Variants in STAM observed in about 807,000 individuals in gnomAD.
The protein encoded by STAM is signal transducing adapter molecule 1.
A neutral mutation model predicts 63.4 loss-of-function variants in STAM; 16 were observed. The observed-to-expected ratio is 0.25, with a 90% CI of 0.17 to 0.38. The LOEUF (loss-of-function observed/expected upper bound fraction) is 0.38. STAM is among the 10% of genes least tolerant of loss of function. STAM has a pLI of 1.00. For synonymous variants in STAM, 238 were observed against 223.9 expected (o/e 1.06, Z -0.56); for missense variants, 636 against 657.1 (o/e 0.97, Z 0.35).
Position 17,714,700 on chromosome 10 carries a change from T to C in STAM, c.1543T>C (p.Ser515Pro). ...MPQVPNYNLT[S>P]STLPQPGGSQ... ...CCAGGTGCCAAACTATAACTTAACA[T>C]CATCAACTCTGCCTCAGCCCGGAGG... The change falls in exon 14 of 14, where the codon TCA (serine) becomes CCA (proline). Residue 515 changes from serine (S) to proline (P), a missense_variant. By Grantham distance (74) the Ser-to-Pro change is moderately conservative. Around this residue, in one of 3 missense-constraint regions of STAM, gnomAD observed 532 missense variants for 536.9 expected, o/e 0.99. Coordinates refer to ENST00000377524, the MANE Select transcript of STAM (RefSeq NM_003473.4). The C allele has an allele frequency of 6.2e-7, 1 of 1,613,940 alleles. No homozygotes were observed. The highest frequency in any genetic ancestry group is 8.5e-7 in the Non-Finnish European group (1 of 1,179,982).
rs1245604284 is a variant in STAM, at chr10:17,716,519, T to C, written c.*1739T>C. On this transcript the variant is annotated 3_prime_UTR_variant, in exon 14 of 14. Transcript: ENST00000377524. ...ACTATAAGTTAGTTTTTGATAAATA[T>C]CTGTCGGATTATAATCTTTTCCACT... 6.6e-6 allele frequency among the ~76,000 whole-genome samples: 1 copy of C among 152,114 alleles called. No homozygotes were observed. Among genetic ancestry groups the C allele is most frequent in the Non-Finnish European group, 1.5e-5 (1 of 67,998 alleles).
chr10:17,708,704 C>A (rs1378758699), intron 12 of STAM, 72 bp from the exon 13 acceptor site: 17 of 1,407,360 alleles, frequency 1.2e-5, no homozygotes, highest in East Asian at 4.8e-5. Flanking sequence ...TAACTGAATA[C>A]CTCTACAGAG....
Position 17,693,259 on chromosome 10 carries a change from C to G in STAM, c.482C>G (p.Ala161Gly), listed in dbSNP as rs781794267. The G allele has an allele frequency of 2.5e-6, 4 of 1,613,436 alleles. No individual in the cohort carries two copies. The East Asian group carries it at 6.7e-5, about 27-fold the overall frequency. ...GCAAAAGCAAGCCCAGCTCTTGTAG[C>G]CAAGGATCCTGGTACTGTGGCTAAC... ...EQAKASPALV[A>G]KDPGTVANKK... The change falls in exon 6 of 14, where the codon GCC (alanine) becomes GGC (glycine). Residue 161 changes from alanine to glycine, a missense_variant. Coordinates refer to ENST00000377524, the MANE Select transcript of STAM (RefSeq NM_003473.4).
chr10:17,660,447 C>T lies in STAM; in HGVS notation c.41-17C>T, dbSNP rs200597809. 12 of 1,516,486 alleles carry T rather than the reference C, an allele frequency of 7.9e-6. No homozygotes were observed. Among genetic ancestry groups the T allele is most frequent in the East Asian group, 4.8e-5 (2 of 41,746 alleles). The allele number at this position is 1,516,486 out of a possible 1,614,324, so 93.9% of individuals were successfully genotyped here. ...TTTGAAAAATAATGTTTCTGCAATCCCCTTTACAATCTACAGAGAAAGCAA... is the reference window on the plus strand; with the variant it reads ...TTTGAAAAATAATGTTTCTGCAATCTCCTTTACAATCTACAGAGAAAGCAA... On this transcript the variant is annotated splice_polypyrimidine_tract_variant and intron_variant, in intron 1 of 13. Transcript: ENST00000377524.
chr10:17,703,363 TTCAC>T (rs1564568307), intron 9 of STAM, among the ~76,000 whole-genome samples: 2 of 151,988 alleles, frequency 1.3e-5, no homozygotes, highest in Non-Finnish European at 2.9e-5. Context: ...TTATGTCACT[TTCAC>T]TCTCTGATGA....
chr10:17,694,107 TAAATA>T (rs1381310524), intron 6 of STAM, among the ~76,000 whole-genome samples: 1 of 152,194 alleles, frequency 6.6e-6, no homozygotes, highest in Non-Finnish European at 1.5e-5. Flanking sequence ...TGTCTTTTGT[TAAATA>T]AAATAATGAT....
chr10:17,698,360 T>TG (rs2131666825), intron 8 of STAM, among the ~76,000 whole-genome samples: 2 of 152,248 alleles, frequency 1.3e-5, no homozygotes, highest in South Asian at 4.1e-4. Context: ...AGGATAGAAT[T>TG]GCTTGGAGTT....
chr10:17,672,657 T>G (rs1448775246), intron 2 of STAM, among the ~76,000 whole-genome samples: 4 of 152,206 alleles, frequency 2.6e-5, no homozygotes, highest in African/African-American at 9.6e-5. Flanking sequence ...GTAACAGTTT[T>G]GCTTTAATAA....
intron 1 of STAM, among the ~76,000 whole-genome samples, chr10:17,651,829 T>G (rs547538831): frequency 6.6e-6 from 1 of 152,368 alleles, no homozygotes; most frequent in South Asian, 2.1e-4. Flanking sequence ...TCGGGCTGAC[T>G]GAATGACAGT....
At chr10:17,646,310 C>T (rs563941756) in intron 1 of STAM, among the ~76,000 whole-genome samples, 6 of 152,126 alleles carry the variant, frequency 3.9e-5, no homozygotes, top group Non-Finnish European at 7.4e-5. Context: ...ATGCCGGTGA[C>T]ACCCAGCCCC....
chr10:17,666,076 G>A (rs1309345265), intron 2 of STAM, among the ~76,000 whole-genome samples: 1 of 152,098 alleles, frequency 6.6e-6, no homozygotes, highest in Non-Finnish European at 1.5e-5. Flanking sequence ...AAACATAGAC[G>A]TGAGGATAAA....
chr10:17,669,009 G>GT (rs1834516513), intron 2 of STAM, among the ~76,000 whole-genome samples: 1 of 152,168 alleles, frequency 6.6e-6, no homozygotes, highest in Non-Finnish European at 1.5e-5. Context: ...TGGTAAGACT[G>GT]TTTATCTTTG....
intron 5 of STAM, among the ~76,000 whole-genome samples, chr10:17,688,532 G>A (rs1345911021): frequency 2.0e-5 from 3 of 151,982 alleles, no homozygotes; most frequent in Non-Finnish European, 2.9e-5. Flanking sequence ...GCGTGATCTC[G>A]GCTCACTGCC....
At chr10:17,706,675 G>A (rs1461977205) in intron 12 of STAM, among the ~76,000 whole-genome samples, 1 of 151,954 alleles carries the variant, frequency 6.6e-6, no homozygotes, top group East Asian at 1.9e-4. Context: ...CATCGCGCCC[G>A]GCCGAGGCCC....
intron 2 of STAM, among the ~76,000 whole-genome samples, chr10:17,668,526 G>T (rs1225721075): frequency 6.6e-6 from 1 of 152,172 alleles, no homozygotes; most frequent in Non-Finnish European, 1.5e-5. Flanking sequence ...AATGACATGT[G>T]TCTACCATTG....
At chr10:17,649,690 A>C (rs897578486) in intron 1 of STAM, among the ~76,000 whole-genome samples, 3 of 152,124 alleles carry the variant, frequency 2.0e-5, no homozygotes, top group African/African-American at 7.2e-5. Flanking sequence ...TTTCCCTCCA[A>C]AACAAATTCA....
chr10:17,705,646 A>G lies in STAM; in HGVS notation c.1114A>G (p.Thr372Ala). The change falls in exon 12 of 14, where the codon ACC becomes GCC. Residue 372 changes from threonine to alanine, a missense_variant. By Grantham distance (58) the Thr-to-Ala change is moderately conservative. Transcript: ENST00000377524. ...AGTGATGGAGGCCCTTTCCTTATATACCAAGTTAATGAACGAAGATCCGAT... is the reference window on the plus strand; with the variant it reads ...AGTGATGGAGGCCCTTTCCTTATATGCCAAGTTAATGAACGAAGATCCGAT... Reference protein sequence around the residue: ...VKVMEALSLYTKLMNEDPMYS... With the variant: ...VKVMEALSLYAKLMNEDPMYS... 6.2e-7 allele frequency: 1 copy of G among 1,613,994 alleles called. No individual in the cohort carries two copies. The highest frequency in any genetic ancestry group is 8.5e-7 in the Non-Finnish European group (1 of 1,179,946).
chr10:17,659,265 G>A (rs4748396), intron 1 of STAM, among the ~76,000 whole-genome samples: 16,720 of 151,558 alleles, frequency 0.11, 990 homozygotes, highest in Middle Eastern at 0.16. Context: ...CATCCCTTGC[G>A]TCATTGCTGT....
chr10:17,675,397 G>A (rs1554824538), intron 2 of STAM, among the ~76,000 whole-genome samples: 1 of 151,916 alleles, frequency 6.6e-6, no homozygotes, highest in Admixed American at 6.6e-5. Flanking sequence ...TCAGCTACTT[G>A]GAAGGCTGAG....
Sources: allele counts gnomAD v4.1 joint callset (sites outside exome capture counted in the v4.1 genomes callset), GRCh38; gene constraint gnomAD v4.1.1; regional missense constraint gnomAD v4.1.1; transcripts MANE v1.5; gene names NCBI Gene and HGNC (gene_info 2026-07-23, HGNC 2026-07-21).